The following BABAM1 variants were observed in gnomAD, a reference collection of about 807,000 sequenced individuals.
BABAM1 encodes BRISC and BRCA1 A complex member 1.
Under a neutral mutation model 34.4 loss-of-function variants are expected in BABAM1, and 14 were observed. The ratio of observed to expected loss-of-function variants is 0.41; its 90% CI spans 0.27 to 0.64. The LOEUF (loss-of-function observed/expected upper bound fraction) is 0.64, where lower values mean the gene tolerates loss of function less well. Among genes scored for constraint, BABAM1 ranks in the 30% least tolerant of loss-of-function variants. The pLI is 0.34. For missense variants in BABAM1, 393 were observed against 434.0 expected (o/e 0.91, Z 0.84); for synonymous variants, 169 against 165.8 (o/e 1.02, Z -0.15).
chr19:17,267,777 T>A (rs1343124932), intron 1 of BABAM1, among the ~76,000 whole-genome samples: 1 of 152,252 alleles, frequency 6.6e-6, no homozygotes, highest in African/African-American at 2.4e-5. Flanking sequence ...ATTCGCGTCC[T>A]GTTTCTCTCC....
In BABAM1 at chr19:17,271,604, G is replaced by A. The variant is rs1184300045; in HGVS notation, c.293G>A (p.Cys98Tyr). The A allele has an allele frequency of 6.2e-7, 1 of 1,613,606 alleles. No homozygotes were observed. The highest frequency in any genetic ancestry group is 8.5e-7 in the Non-Finnish European group (1 of 1,179,788). Residue 98 changes from cysteine to tyrosine, a missense_variant, in exon 3 of 9, where the codon TGC becomes TAC. Cys to Tyr is a radical substitution (Grantham distance 194, BLOSUM62 -2). Transcript: ENST00000598188. ...RVNCPEKVII[C>Y]LDLSEEMSLP... Reference sequence around the variant, plus strand: ...CCTCCAACTACCTTGCAGATTATCTGCCTGGACCTGTCAGAGGAAATGTCA... The same window carrying A: ...CCTCCAACTACCTTGCAGATTATCTACCTGGACCTGTCAGAGGAAATGTCA...
chr19:17,267,732 G>T (rs1296691236), intron 1 of BABAM1, among the ~76,000 whole-genome samples: 1 of 152,216 alleles, frequency 6.6e-6, no homozygotes, highest in Non-Finnish European at 1.5e-5. Context: ...ATCTTGGGAA[G>T]CCCGTGCCTA....
chr19:17,273,468 C>T (rs778865618), intron 3 of BABAM1, among the ~76,000 whole-genome samples: 42 of 151,910 alleles, frequency 2.8e-4, no homozygotes, highest in Admixed American at 5.9e-4. Flanking sequence ...GGCTGAGCTC[C>T]GCCACACCCC....
chr19:17,272,305 C>T lies in BABAM1; in HGVS notation c.344+650C>T, dbSNP rs1280994742. ...CTAGAGTCCCAGCTACTTGGGAGGGCAAGCTGGGAGGATCACTTGATCCCA... is the reference window on the plus strand; with the variant it reads ...CTAGAGTCCCAGCTACTTGGGAGGGTAAGCTGGGAGGATCACTTGATCCCA... On this transcript the variant is annotated intron_variant, in intron 3 of 8. Coordinates refer to ENST00000598188, the MANE Select transcript of BABAM1 (RefSeq NM_014173.4). Among the ~76,000 whole-genome samples the T allele has an allele frequency of 2.0e-5, 3 of 152,046 alleles. No homozygotes were observed. The East Asian group carries it at 5.8e-4, about 30-fold the overall frequency.
chr19:17,271,641 G>A lies in BABAM1; in HGVS notation c.330G>A (p.Leu110=). ...DLSEEMSLPK[L]ESFNGSKTNA... ...CAGAGGAAATGTCACTGCCAAAGCT[G>A]GAGTCGTTCAACGGGTAAGAGGGAC... Residue 110 remains leucine (L), a synonymous_variant, in exon 3 of 9, where the codon CTG becomes CTA. Transcript: ENST00000598188. 1.2e-6 allele frequency: 2 copies of A among 1,613,834 alleles called. No homozygotes were observed. Among genetic ancestry groups the A allele is most frequent in the Non-Finnish European group, 1.7e-6 (2 of 1,179,824 alleles).
At position 17,274,029 on chromosome 19, in the gene BABAM1, G is replaced by A; in HGVS notation, c.465+5G>A. On this transcript the variant is annotated splice_donor_5th_base_variant and intron_variant, in intron 4 of 8. Transcript: ENST00000598188. ...GTGAACGATGACACGGCCTGGGTGA[G>A]GCTGCGGCAGGCGCTGGGTGCCCTG... 3 of 1,613,902 alleles carry A rather than the reference G, an allele frequency of 1.9e-6. No individual in the cohort carries two copies. The highest frequency in any genetic ancestry group is 2.5e-6 in the Non-Finnish European group (3 of 1,179,848).
intron 3 of BABAM1, 94 bp downstream of exon 3, chr19:17,271,749 C>T: frequency 7.2e-7 from 1 of 1,391,810 alleles, no homozygotes; most frequent in African/African-American, 1.4e-5. Flanking sequence ...CTCACACCAG[C>T]TTGGTCTGGC....
chr19:17,268,063 G>A (rs1188755622), intron 1 of BABAM1, among the ~76,000 whole-genome samples: 1 of 151,966 alleles, frequency 6.6e-6, no homozygotes, highest in Non-Finnish European at 1.5e-5. Flanking sequence ...GCCCCTCACA[G>A]CTCTCAACTT....
chr19:17,267,574 C>G (rs1158013921), intron 1 of BABAM1, 47 bp downstream of exon 1: 5 of 152,242 alleles, frequency 3.3e-5, no homozygotes, highest in Admixed American at 1.3e-4. Context: ...GCCCAGCTCC[C>G]TTTGCCCCAA....
intron 1 of BABAM1, among the ~76,000 whole-genome samples, chr19:17,268,155 G>T (rs1388201266): frequency 6.6e-6 from 1 of 151,938 alleles, no homozygotes; most frequent in Non-Finnish European, 1.5e-5. Context: ...CCACTCAATG[G>T]CCTGATTTGG....
At chr19:17,278,470 G>A (rs1387614831) in intron 8 of BABAM1, among the ~76,000 whole-genome samples, 3 of 152,042 alleles carry the variant, frequency 2.0e-5, no homozygotes, top group African/African-American at 7.2e-5. Context: ...CACCACGCCC[G>A]GCTAATTTTT....
intron 1 of BABAM1, chr19:17,268,547 A>G: frequency 3.1e-6 from 1 of 327,774 alleles, no homozygotes; most frequent in Non-Finnish European, 5.6e-6. Context: ...CTCCTGCCTC[A>G]GCCTCCCGAG....
At position 17,273,569 on chromosome 19, in the gene BABAM1, T is replaced by TTTG. The variant is rs796491323; in HGVS notation, c.345-333_345-332insGTT. 3.2e-4 allele frequency among the ~76,000 whole-genome samples: 34 copies of TTTG among 107,048 alleles called. 1 individual carries two copies. The highest frequency in any genetic ancestry group is 1.5e-3 in the African/African-American group (34 of 22,262). The allele number at this position is 107,048 out of a possible 152,430, so 70.2% of individuals were successfully genotyped here. On this transcript the variant is annotated intron_variant, in intron 3 of 8. Coordinates refer to ENST00000598188, the MANE Select transcript of BABAM1 (RefSeq NM_014173.4). ...AGTTTTTTTTTGTTTGTTTTGTTTTTTTTTTTTTTTTTGAGACAGAGTCTC... is the reference window on the plus strand; with the variant it reads ...AGTTTTTTTTTGTTTGTTTTGTTTTTTTGTTTTTTTTTTTTGAGACAGAGTCTC...
chr19:17,273,564 G>GTTTTTTTT (rs754203595), intron 3 of BABAM1, among the ~76,000 whole-genome samples: 597 of 45,820 alleles, frequency 0.013, 17 homozygotes, highest in South Asian at 0.06. Context: ...TGTTTGTTTT[G>GTTTTTTTT]TTTTTTTTTT....
In BABAM1 at chr19:17,271,631, T is replaced by C; in HGVS notation, c.320T>C (p.Leu107Pro). 3 of 1,613,820 alleles carry C rather than the reference T, an allele frequency of 1.9e-6. No individual in the cohort carries two copies. The highest frequency in any genetic ancestry group is 2.5e-6 in the Non-Finnish European group (3 of 1,179,828). The change falls in exon 3 of 9, where the codon CTG (leucine) becomes CCG (proline). Residue 107 changes from leucine (L) to proline (P), a missense_variant. Leu to Pro is a moderately conservative substitution (Grantham distance 98). Coordinates refer to ENST00000598188, the MANE Select transcript of BABAM1 (RefSeq NM_014173.4). ...ICLDLSEEMS[L>P]PKLESFNGSK... is the part of the protein sequence containing the mutation. Reference sequence around the variant, plus strand: ...CTGGACCTGTCAGAGGAAATGTCACTGCCAAAGCTGGAGTCGTTCAACGGG... The same window carrying C: ...CTGGACCTGTCAGAGGAAATGTCACCGCCAAAGCTGGAGTCGTTCAACGGG...
chr19:17,275,759 T>C (rs745662311), intron 5 of BABAM1, 42 bp from the exon 6 acceptor site: 1 of 1,613,302 alleles, frequency 6.2e-7, no homozygotes, highest in Non-Finnish European at 8.5e-7. Context: ...TGTTTCCCGC[T>C]CACTCGTGCT....
intron 1 of BABAM1, among the ~76,000 whole-genome samples, chr19:17,267,796 C>A (rs916690793): frequency 6.6e-6 from 1 of 152,186 alleles, no homozygotes; most frequent in Non-Finnish European, 1.5e-5. Context: ...CCAAGGGGAA[C>A]CACAGTACTA....
intron 5 of BABAM1, among the ~76,000 whole-genome samples, chr19:17,275,087 T>C (rs1222669136): frequency 6.6e-6 from 1 of 152,042 alleles, no homozygotes; most frequent in Non-Finnish European, 1.5e-5. Flanking sequence ...GAATGTTTTG[T>C]AGAGATGGGG....
In BABAM1 at chr19:17,276,880, GAGGAGA is replaced by G; in HGVS notation, c.763_768del (p.Lys255_Glu256del). ...CGTTGTTTACATCCACAATGGCACT[GAGGAGA>G]AGGAGGAGGAGATGAGTTGGAAGGT... On this transcript the variant is annotated inframe_deletion, in exon 8 of 9. Coordinates refer to ENST00000598188, the MANE Select transcript of BABAM1 (RefSeq NM_014173.4). The G allele has an allele frequency of 6.2e-7, 1 of 1,600,822 alleles. No homozygotes were observed. The highest frequency in any genetic ancestry group is 1.1e-5 in the South Asian group (1 of 88,592).
Sources: allele counts gnomAD v4.1 joint callset (sites outside exome capture counted in the v4.1 genomes callset), GRCh38; gene constraint gnomAD v4.1.1; transcripts MANE v1.5; gene names NCBI Gene and HGNC (gene_info 2026-07-23, HGNC 2026-07-21).